Variants in ASAP1 observed in about 807,000 individuals in gnomAD.
The protein encoded by ASAP1 is ArfGAP with SH3 domain, ankyrin repeat and PH domain 1.
ASAP1 carries 43 observed loss-of-function variants against 145.2 expected under a neutral mutation model. The ratio of observed to expected loss-of-function variants is 0.30; its 90% confidence interval spans 0.23 to 0.38. ASAP1 has a LOEUF of 0.38. Ranked by LOEUF, ASAP1 falls within the 10% of genes least tolerant of loss-of-function variation. ASAP1 has a pLI of 1.00. For missense variants in ASAP1, 1,018 were observed against 1,355.3 expected (o/e 0.75, Z 3.91); for synonymous variants, 546 against 515.5 (o/e 1.06, Z -0.80).
chr8:130,236,380 A>C (rs547606877), intron 4 of ASAP1, among the ~76,000 whole-genome samples: 1 of 152,004 alleles, frequency 6.6e-6, no homozygotes, highest in South Asian at 2.1e-4. Flanking sequence ...TTTGCCTCCA[A>C]GGTGACAAAG....
intron 3 of ASAP1, among the ~76,000 whole-genome samples, chr8:130,242,875 C>T (rs1294916105): frequency 1.3e-5 from 2 of 152,110 alleles, no homozygotes; most frequent in African/African-American, 4.8e-5. Context: ...GTGCTGTTGA[C>T]CTTCCATACC....
At chr8:130,064,914 T>TGG (rs1172392183) in intron 27 of ASAP1, among the ~76,000 whole-genome samples, 1 of 134,876 alleles carries the variant, frequency 7.4e-6, no homozygotes, top group Non-Finnish European at 1.7e-5. Flanking sequence ...TGTGTGTGTG[T>TGG]GTGTGTGTGT....
At chr8:130,112,420 C>T in intron 23 of ASAP1, 98 bp from the exon 24 acceptor site, 1 of 981,966 alleles carries the variant, frequency 1.0e-6, no homozygotes, top group Non-Finnish European at 1.5e-6. Context: ...AATCTGGGTT[C>T]CTGTGGCTCT....
rs1819107074 is a variant in ASAP1, at chr8:130,250,209, A to G, written c.187-13215T>C. On this transcript the variant is annotated intron_variant, in intron 3 of 29. Transcript: ENST00000518721. ...AGATATTCTGAAAAGTCTACCTTGA[A>G]TTTACTACTCAAAGACTTCATCAAT... 2.0e-5 allele frequency among the ~76,000 whole-genome samples: 3 copies of G among 152,118 alleles called. No homozygotes were observed. In the South Asian group the frequency reaches 6.2e-4, roughly 31 times the overall value.
rs2135818619 is a variant in ASAP1 at position 130,136,950 on chromosome 8, C to T, written c.1168+1G>A. The T allele has an allele frequency of 6.2e-7, 1 of 1,613,582 alleles. No homozygotes were observed. The highest frequency in any genetic ancestry group is 8.5e-7 in the Non-Finnish European group (1 of 1,179,504). On this transcript the variant is annotated splice_donor_variant, in intron 14 of 29. Transcript: ENST00000518721. LOFTEE classifies it high-confidence loss of function. ...AACTCAGAGAGAGAAAAAGGACTCACGTGATATCAGGTCAAAAGATTTTTT... is the reference window on the plus strand; with the variant it reads ...AACTCAGAGAGAGAAAAAGGACTCATGTGATATCAGGTCAAAAGATTTTTT...
intron 1 of ASAP1, among the ~76,000 whole-genome samples, chr8:130,416,634 A>G (rs1829486052): frequency 6.6e-6 from 1 of 152,178 alleles, no homozygotes; most frequent in Non-Finnish European, 1.5e-5. Context: ...TCCGAACCCT[A>G]TTTCCCCTGA....
Position 130,366,886 on chromosome 8 carries a change from C to CTTTTTTTTTTTTTT in ASAP1, c.60-8757_60-8744dup, listed in dbSNP as rs905755447. On this transcript the variant is annotated intron_variant, in intron 2 of 29. Transcript: ENST00000518721. Reference sequence around the variant, plus strand: ...TCTAAACAGGTACTATGCTAGATTCCTTTTTTTTTTTTTTTTTTTTTTGAG... The same window carrying CTTTTTTTTTTTTTT: ...TCTAAACAGGTACTATGCTAGATTCCTTTTTTTTTTTTTTTTTTTTTTTTTTTTTTTTTTTTGAG... 1.4e-4 allele frequency among the ~76,000 whole-genome samples: 14 copies of CTTTTTTTTTTTTTT among 99,206 alleles called. 1 individual carries two copies. The highest frequency in any genetic ancestry group is 8.7e-4 in the South Asian group (2 of 2,292). The allele number at this position is 99,206 out of a possible 152,430, so 65.1% of individuals were successfully genotyped here. A position where few individuals can be genotyped will look rare whatever the true frequency, so the allele number is the denominator to read the frequency against.
At chr8:130,264,738 C>T (rs1022454187) in intron 3 of ASAP1, among the ~76,000 whole-genome samples, 2 of 152,100 alleles carry the variant, frequency 1.3e-5, no homozygotes, top group Admixed American at 1.3e-4. Flanking sequence ...AGGGTGAATC[C>T]TTCCCTTCTA....
chr8:130,262,133 A>G (rs536999988), intron 3 of ASAP1, among the ~76,000 whole-genome samples: 105 of 152,110 alleles, frequency 6.9e-4, no homozygotes, highest in Middle Eastern at 6.8e-3. Flanking sequence ...GCGGTGGCTC[A>G]CACCTGTAAT....
At chr8:130,064,463 A>G (rs894873288) in intron 27 of ASAP1, among the ~76,000 whole-genome samples, 3 of 152,258 alleles carry the variant, frequency 2.0e-5, no homozygotes, top group Non-Finnish European at 4.4e-5. Context: ...AACAGTCTGG[A>G]ATGGAGCCGG....
chr8:130,114,319 C>T (rs1005821686), intron 23 of ASAP1, among the ~76,000 whole-genome samples: 56 of 152,156 alleles, frequency 3.7e-4, no homozygotes, highest in Non-Finnish European at 1.0e-4. Context: ...GTACAGCATG[C>T]TACTATACTA....
At chr8:130,436,881 C>T (rs577319480) in intron 1 of ASAP1, among the ~76,000 whole-genome samples, 8 of 152,000 alleles carry the variant, frequency 5.3e-5, no homozygotes, top group African/African-American at 9.6e-5. Context: ...CTGAGGCAGG[C>T]GGATTACCTA....
At chr8:130,073,071 A>G (rs1211119145) in intron 27 of ASAP1, among the ~76,000 whole-genome samples, 3 of 149,974 alleles carry the variant, frequency 2.0e-5, no homozygotes, top group Admixed American at 6.7e-5. Flanking sequence ...TGGCGATGTG[A>G]AATAGGCTGT....
chr8:130,328,557 G>A (rs1824484200), intron 3 of ASAP1, among the ~76,000 whole-genome samples: 1 of 151,022 alleles, frequency 6.6e-6, no homozygotes, highest in South Asian at 2.1e-4. Flanking sequence ...GATGTGGGCA[G>A]TTTTAAGACA....
At chr8:130,359,440 A>C (rs1586906172) in intron 2 of ASAP1, among the ~76,000 whole-genome samples, 1 of 141,906 alleles carries the variant, frequency 7.0e-6, no homozygotes, top group East Asian at 1.9e-4. Flanking sequence ...GTTTAAAAGA[A>C]GAAGAAGAAG....
At chr8:130,326,844 T>G (rs559116188) in intron 3 of ASAP1, among the ~76,000 whole-genome samples, 1 of 152,310 alleles carries the variant, frequency 6.6e-6, no homozygotes, top group South Asian at 2.1e-4. Context: ...CCTTATAGAA[T>G]ATATTCAGAG....
chr8:130,283,452 C>T (rs780557036), intron 3 of ASAP1, among the ~76,000 whole-genome samples: 15 of 151,836 alleles, frequency 9.9e-5, no homozygotes, highest in Non-Finnish European at 2.1e-4. Context: ...GTGGCATGCG[C>T]GCCTGTAGTC....
intron 16 of ASAP1, among the ~76,000 whole-genome samples, chr8:130,127,616 G>C (rs1205319819): frequency 6.6e-6 from 1 of 152,134 alleles, no homozygotes; most frequent in Non-Finnish European, 1.5e-5. Context: ...GGTGGACAGT[G>C]ATACAAAATG....
chr8:130,181,003 T>G, intron 7 of ASAP1, 123 bp from the exon 8 acceptor site: 1 of 760,442 alleles, frequency 1.3e-6, no homozygotes, highest in Non-Finnish European at 1.9e-6. Flanking sequence ...GTTCATCAGT[T>G]GTATCAATTG....
Sources: allele counts gnomAD v4.1 joint callset (sites outside exome capture counted in the v4.1 genomes callset), GRCh38; gene constraint gnomAD v4.1.1; transcripts MANE v1.5; gene names NCBI Gene and HGNC (gene_info 2026-07-23, HGNC 2026-07-21).